Variants in ANO6 observed in about 807,000 individuals in gnomAD.
ANO6 encodes the protein anoctamin-6.
A neutral mutation model predicts 117.5 loss-of-function variants in ANO6; 106 were observed. The observed-to-expected ratio is 0.90, with a 90% confidence interval of 0.77 to 1.06. The LOEUF is 1.06. Among genes scored for constraint, ANO6 ranks in the 50% least tolerant of loss-of-function variants. The probability of loss-of-function intolerance (pLI) is 0.00; values close to 1 mark genes in which losing one functional copy is unlikely to be tolerated. For missense variants in ANO6, 955 were observed against 1,121.1 expected, an observed-to-expected ratio of 0.85 and a Z score of 2.12; for synonymous variants, 367 against 385.1, an observed-to-expected ratio of 0.95 and a Z score of 0.55.
At position 45,423,025 on chromosome 12, in the gene ANO6, T is replaced by A. The variant is rs1442260160; in HGVS notation, c.2489T>A (p.Val830Glu). The A allele has an allele frequency of 2.5e-6, 4 of 1,614,016 alleles. No homozygotes were observed. Among genetic ancestry groups the A allele is most frequent in the Non-Finnish European group, 3.4e-6 (4 of 1,179,966 alleles). The change falls in exon 19 of 20, where the codon GTG (valine) becomes GAG (glutamate). Residue 830 changes from valine (V) to glutamate (E), a missense_variant. By Grantham distance (121) the Val-to-Glu change is moderately radical. Transcript: ENST00000320560. ...EYKHNIYYWHVIAAKLAFIIV... is the reference protein window; with the variant it reads ...EYKHNIYYWHEIAAKLAFIIV... ...AAACACAACATCTACTATTGGCATG[T>A]GATTGCAGCCAAGCTGGCTTTTATC...
intron 2 of ANO6, among the ~76,000 whole-genome samples, chr12:45,303,513 G>T (rs553877217): frequency 6.6e-6 from 1 of 152,104 alleles, no homozygotes; most frequent in Non-Finnish European, 1.5e-5. Context: ...GTGTTGGTGC[G>T]CCTGGTAAAC....
intron 2 of ANO6, among the ~76,000 whole-genome samples, chr12:45,325,052 A>G (rs1217323896): frequency 6.9e-6 from 1 of 144,716 alleles, no homozygotes; most frequent in African/African-American, 2.4e-5. Context: ...TATAATTAAG[A>G]AGAATCAGAG....
At chr12:45,307,160 G>T (rs1262137050) in intron 2 of ANO6, among the ~76,000 whole-genome samples, 1 of 152,102 alleles carries the variant, frequency 6.6e-6, no homozygotes, top group African/African-American at 2.4e-5. Flanking sequence ...GGGTAAACTG[G>T]CAGATTTTGA....
chr12:45,336,892 C>T (rs1167609668), intron 3 of ANO6, among the ~76,000 whole-genome samples: 4 of 152,026 alleles, frequency 2.6e-5, no homozygotes, highest in African/African-American at 9.7e-5. Context: ...AGCTCTATTT[C>T]TGTTCCTGCC....
intron 2 of ANO6, among the ~76,000 whole-genome samples, chr12:45,318,308 T>A (rs1433075660): frequency 1.3e-5 from 2 of 152,206 alleles, no homozygotes. Context: ...GTATAAGGCG[T>A]AAGGAAGGGA....
At chr12:45,414,683 C>G (rs60326098) in intron 16 of ANO6, among the ~76,000 whole-genome samples, 4,312 of 152,220 alleles carry the variant, frequency 0.028, 204 homozygotes, top group African/African-American at 0.098. Context: ...ACAATGTTCC[C>G]AATACTGTCT....
At chr12:45,375,529 A>G (rs1330706140) in intron 9 of ANO6, among the ~76,000 whole-genome samples, 2 of 152,350 alleles carry the variant, frequency 1.3e-5, no homozygotes, top group Middle Eastern at 3.4e-3. Context: ...GGAACAGAAC[A>G]GAGCCCTCAG....
intron 1 of ANO6, among the ~76,000 whole-genome samples, chr12:45,280,337 TCAGTACAATGA>T (rs1487110196): frequency 6.6e-6 from 1 of 152,130 alleles, no homozygotes; most frequent in South Asian, 2.1e-4. Flanking sequence ...TCAGCTGTGG[TCAGTACAATGA>T]CTGAGGAGAA....
intron 3 of ANO6, among the ~76,000 whole-genome samples, chr12:45,340,049 C>CAGG (rs1424428010): frequency 6.6e-6 from 1 of 152,040 alleles, no homozygotes; most frequent in Non-Finnish European, 1.5e-5. Flanking sequence ...TGTTTACAAT[C>CAGG]AGTACTATTA....
At chr12:45,278,413 T>G (rs60717004) in intron 1 of ANO6, among the ~76,000 whole-genome samples, 1,641 of 152,372 alleles carry the variant, frequency 0.011, 30 homozygotes, top group African/African-American at 0.038. Flanking sequence ...CGTCTGTTAT[T>G]TGGATATTGG....
At chr12:45,399,058 CTG>C (rs1942709253) in intron 12 of ANO6, among the ~76,000 whole-genome samples, 1 of 152,154 alleles carries the variant, frequency 6.6e-6, no homozygotes, top group African/African-American at 2.4e-5. Context: ...TTGTCAAGGG[CTG>C]TGTTTTGTTC....
intron 1 of ANO6, among the ~76,000 whole-genome samples, chr12:45,227,524 C>T (rs1389150875): frequency 7.9e-5 from 12 of 152,034 alleles, no homozygotes; most frequent in African/African-American, 4.8e-5. Flanking sequence ...TGGGAGGATG[C>T]GAGGTGGTAT....
Position 45,422,794 on chromosome 12 carries a change from G to A in ANO6, c.2421-163G>A, listed in dbSNP as rs906018558. ...TTACCATAGTGGCCAGGCTGGTGTC[G>A]CACTCCTGGCCTCAAGTGATCCACA... On this transcript the variant is annotated intron_variant, in intron 18 of 19. Coordinates refer to ENST00000320560, the MANE Select transcript of ANO6 (RefSeq NM_001025356.3). Among the ~76,000 whole-genome samples, 62 of 151,984 alleles carry A rather than the reference G, an allele frequency of 4.1e-4. 1 individual carries two copies. Among genetic ancestry groups the A allele is most frequent in the African/African-American group, 1.5e-3 (60 of 41,366 alleles).
chr12:45,391,945 C>T (rs140457901), intron 12 of ANO6, among the ~76,000 whole-genome samples: 2,440 of 152,314 alleles, frequency 0.016, 60 homozygotes, highest in East Asian at 0.097. Context: ...ACACAGAAGA[C>T]GGGTAATTTC....
chr12:45,331,185 G>A, intron 2 of ANO6, 110 bp from the exon 3 acceptor site: 1 of 926,894 alleles, frequency 1.1e-6, no homozygotes. Context: ...ACTAGTAGTG[G>A]ATGTATTTCT....
intron 9 of ANO6, among the ~76,000 whole-genome samples, chr12:45,374,075 C>T (rs1232884844): frequency 6.6e-6 from 1 of 151,184 alleles, no homozygotes; most frequent in Non-Finnish European, 1.5e-5. Context: ...CTACAAACAC[C>T]TCTATGCAAA....
intron 1 of ANO6, among the ~76,000 whole-genome samples, chr12:45,239,561 A>G (rs1947704850): frequency 6.8e-6 from 1 of 147,728 alleles, no homozygotes; most frequent in Admixed American, 6.7e-5. Context: ...TTCTGCTCTG[A>G]TCTTAGTTAT....
intron 1 of ANO6, among the ~76,000 whole-genome samples, chr12:45,288,168 G>C (rs928945520): frequency 1.3e-5 from 2 of 152,156 alleles, no homozygotes; most frequent in Non-Finnish European, 2.9e-5. Context: ...GCCTGGTACA[G>C]CCTAGCCTAC....
chr12:45,426,558 C>A (rs1202599709), intron 19 of ANO6, among the ~76,000 whole-genome samples: 1 of 152,118 alleles, frequency 6.6e-6, no homozygotes, highest in Non-Finnish European at 1.5e-5. Flanking sequence ...GCCACCACTT[C>A]CCCAACCCTC....
Sources: allele counts gnomAD v4.1 joint callset (sites outside exome capture counted in the v4.1 genomes callset), GRCh38; gene constraint gnomAD v4.1.1; transcripts MANE v1.5; gene names NCBI Gene and HGNC (gene_info 2026-07-23, HGNC 2026-07-21).